Variants in XRN2 observed in about 807,000 individuals in gnomAD.
XRN2 encodes the protein 5'-3' exoribonuclease 2, also known as DHM1-like protein.
In XRN2, 44 loss-of-function variants were observed where a neutral mutation model predicts 138.5. The observed-to-expected ratio is 0.32, with a 90% confidence interval of 0.25 to 0.41. XRN2 has a LOEUF of 0.41. Among genes scored for constraint, XRN2 ranks in the 10% least tolerant of loss-of-function variants. The pLI is 1.00. For synonymous variants in XRN2, 354 were observed against 369.4 expected (o/e 0.96, Z 0.48); for missense variants, 937 against 1,169.3 (o/e 0.80, Z 2.90).
At position 21,363,753 on chromosome 20, in the gene XRN2, C is replaced by CT. The variant is rs201098792; in HGVS notation, c.2256-1661dup. ...AAAAATGTCAACCAGGTCAATAAAA[C>CT]TTTTTTTAAAAACCTTTTTAACTGA... On this transcript the variant is annotated intron_variant, in intron 24 of 29. Transcript: ENST00000377191. Among the ~76,000 whole-genome samples the CT allele has an allele frequency of 2.2e-3, 328 of 152,174 alleles. 2 individuals are homozygous for CT. The highest frequency in any genetic ancestry group is 7.6e-3 in the African/African-American group (315 of 41,530).
chr20:21,367,317 A>G (rs2038715384), intron 26 of XRN2, among the ~76,000 whole-genome samples: 1 of 152,220 alleles, frequency 6.6e-6, no homozygotes, highest in Non-Finnish European at 1.5e-5. Flanking sequence ...CCATAATGTT[A>G]ATGAGTTAGG....
chr20:21,376,711 G>A (rs1312021193), intron 27 of XRN2, among the ~76,000 whole-genome samples: 2 of 152,162 alleles, frequency 1.3e-5, no homozygotes, highest in Non-Finnish European at 2.9e-5. Flanking sequence ...GTGAGGAGGA[G>A]AGGGAGAAGG....
intron 6 of XRN2, among the ~76,000 whole-genome samples, 162 bp from the exon 7 acceptor site, chr20:21,331,399 T>TCACACACACA (rs71806398): frequency 4.3e-4 from 62 of 144,046 alleles, no homozygotes; most frequent in African/African-American, 1.0e-3. Flanking sequence ...TTGGTGTTTT[T>TCACACACACA]CACACACACA....
intron 26 of XRN2, among the ~76,000 whole-genome samples, chr20:21,366,574 A>AG (rs1491205643): frequency 7.3e-5 from 11 of 151,154 alleles, no homozygotes; most frequent in Admixed American, 5.3e-4. Context: ...AAAAAAAAAA[A>AG]GGGAAAAAAA....
At chr20:21,361,924 T>A (rs974312474) in intron 24 of XRN2, among the ~76,000 whole-genome samples, 1 of 152,222 alleles carries the variant, frequency 6.6e-6, no homozygotes. Context: ...GGAAGCTTAA[T>A]CCATTTTAGG....
At chr20:21,325,505 G>A (rs1479141033) in intron 1 of XRN2, among the ~76,000 whole-genome samples, 1 of 152,202 alleles carries the variant, frequency 6.6e-6, no homozygotes, top group African/African-American at 2.4e-5. Flanking sequence ...GTTATAAAGT[G>A]AGTGACATTT....
intron 26 of XRN2, among the ~76,000 whole-genome samples, 194 bp downstream of exon 26, chr20:21,365,898 A>T (rs1334008697): frequency 2.3e-5 from 2 of 86,040 alleles, no homozygotes; most frequent in Non-Finnish European, 4.9e-5. Context: ...ATATATAATT[A>T]TATATATAAT....
chr20:21,303,688 A>C, intron 1 of XRN2: 1 of 1,321,214 alleles, frequency 7.6e-7, no homozygotes, highest in Non-Finnish European at 9.6e-7. Flanking sequence ...TCGGCGGGGC[A>C]AGGGCCTATA....
chr20:21,328,405 T>A (rs1438739322), intron 3 of XRN2, among the ~76,000 whole-genome samples, 154 bp from the exon 4 acceptor site: 1 of 152,256 alleles, frequency 6.6e-6, no homozygotes, highest in African/African-American at 2.4e-5. Flanking sequence ...GTTCTCAGCA[T>A]CTGGTATCTG....
chr20:21,310,477 CTT>C (rs761351930), intron 1 of XRN2, among the ~76,000 whole-genome samples: 5 of 152,172 alleles, frequency 3.3e-5, no homozygotes, highest in South Asian at 2.1e-4. Context: ...TTTTGAAGCT[CTT>C]TTATTAGGTG....
At chr20:21,386,432 A>G (rs965108613) in intron 28 of XRN2, among the ~76,000 whole-genome samples, 1 of 152,234 alleles carries the variant, frequency 6.6e-6, no homozygotes, top group Non-Finnish European at 1.5e-5. Flanking sequence ...TTCATTTGCA[A>G]CCTGCAATTA....
Position 21,389,794 on chromosome 20 carries a change from T to TA in XRN2, c.*465dup, listed in dbSNP as rs201924809. 1,860 of 152,320 alleles carry TA rather than the reference T, an allele frequency of 0.012. 11 individuals carry two copies. Among genetic ancestry groups the TA allele is most frequent in the Non-Finnish European group, 0.018 (1,211 of 67,958 alleles). The allele number at this position is 152,320 out of a possible 1,614,324, so 9.4% of individuals were successfully genotyped here. ...TCTTACAGAAATTTCTGAACTTTAG[T>TA]AAAAAAAAATAAAGTTAAACTTTTA... On this transcript the variant is annotated 3_prime_UTR_variant, in exon 30 of 30. Coordinates refer to ENST00000377191, the MANE Select transcript of XRN2 (RefSeq NM_012255.5).
intron 1 of XRN2, chr20:21,303,694 C>CTA: frequency 7.8e-7 from 1 of 1,281,578 alleles, no homozygotes; most frequent in South Asian, 2.5e-5. Context: ...GGGCAAGGGC[C>CTA]TATAGGGTTC....
At chr20:21,360,458 T>G (rs1017100413) in intron 24 of XRN2, among the ~76,000 whole-genome samples, 2 of 121,326 alleles carry the variant, frequency 1.6e-5, no homozygotes, top group Non-Finnish European at 3.6e-5. Flanking sequence ...TGTTAGGTTG[T>G]TTTTTTTTTT....
Position 21,331,544 on chromosome 20 carries a change from TAAC to T in XRN2, c.577-14_577-12del, listed in dbSNP as rs1360390086. The T allele has an allele frequency of 6.2e-7, 1 of 1,601,640 alleles. No individual in the cohort carries two copies. On this transcript the variant is annotated splice_polypyrimidine_tract_variant and intron_variant, in intron 6 of 29. Coordinates refer to ENST00000377191, the MANE Select transcript of XRN2 (RefSeq NM_012255.5). ...AAAATTGGGGATAATCTGAAAGTGT[TAAC>T]AATTTTTTTATAGGTTATTTTATCT...
rs748147171 is a variant in XRN2 at position 21,365,508 on chromosome 20, C to G, written c.2324+19C>G. 1 of 1,613,122 alleles carries G rather than the reference C, an allele frequency of 6.2e-7. No homozygotes were observed. The highest frequency in any genetic ancestry group is 1.1e-5 in the South Asian group (1 of 90,962). On this transcript the variant is annotated intron_variant, in intron 25 of 29. Transcript: ENST00000377191. ...GAGCAAGGTAACAACAGTAAATTAC[C>G]TAGATTTATTTTGTACAAATGGTTT...
At chr20:21,372,771 A>T (rs4815041) in intron 27 of XRN2, among the ~76,000 whole-genome samples, 1 of 151,720 alleles carries the variant, frequency 6.6e-6, no homozygotes. Context: ...TCAGTAGAAA[A>T]GTGTCAGTCC....
chr20:21,348,118 T>A (rs1472883962), intron 17 of XRN2, 28 bp from the exon 18 acceptor site: 3 of 1,574,520 alleles, frequency 1.9e-6, no homozygotes, highest in Non-Finnish European at 2.6e-6. Flanking sequence ...GGTTTTTGAT[T>A]TTGTTGTTAC....
intron 8 of XRN2, 137 bp downstream of exon 8, chr20:21,331,955 A>G (rs932865127): frequency 1.4e-5 from 13 of 922,526 alleles, no homozygotes; most frequent in Non-Finnish European, 2.2e-5. Flanking sequence ...ACAGGGAACT[A>G]GTATTGAGTT....
Sources: gnomAD v4.1 joint callset for allele counts (sites outside exome capture counted in the v4.1 genomes callset) on GRCh38, gnomAD v4.1.1 for gene constraint, MANE v1.5 for transcripts, NCBI Gene and HGNC (gene_info 2026-07-23, HGNC 2026-07-21) for gene names.